The following PTPRD variants were observed in gnomAD, a reference collection of about 807,000 sequenced individuals.
PTPRD encodes the protein protein tyrosine phosphatase receptor type D.
In PTPRD, 34 loss-of-function variants were observed where a neutral mutation model predicts 214.5. The observed-to-expected ratio is 0.16, with a 90% CI of 0.12 to 0.21. PTPRD has a LOEUF of 0.21. Among genes scored for constraint, PTPRD ranks in the 10% least tolerant of loss-of-function variants. The pLI is 1.00. For missense variants in PTPRD, 2,545 were observed against 2,398.7 expected (o/e 1.06, Z -1.27); for synonymous variants, 1,128 against 845.7 (o/e 1.33, Z -5.79).
intron 11 of PTPRD, among the ~76,000 whole-genome samples, chr9:8,824,744 G>GT (rs201843832): frequency 1.1e-4 from 17 of 151,950 alleles, no homozygotes; most frequent in East Asian, 3.9e-4. Flanking sequence ...ATTCCTTTTG[G>GT]TTTTTTTTGA....
intron 3 of PTPRD, among the ~76,000 whole-genome samples, chr9:10,100,576 A>G (rs2098541951): frequency 1.3e-5 from 2 of 151,738 alleles, no homozygotes; most frequent in African/African-American, 4.8e-5. Flanking sequence ...TGCAACAATG[A>G]GAATTTCATA....
At chr9:10,308,301 A>G (rs564119707) in intron 3 of PTPRD, among the ~76,000 whole-genome samples, 1 of 152,204 alleles carries the variant, frequency 6.6e-6, no homozygotes, top group African/African-American at 2.4e-5. Flanking sequence ...TGTTCCCAGC[A>G]TCATTTATTA....
intron 43 of PTPRD, among the ~76,000 whole-genome samples, chr9:8,332,179 GCA>G (rs1842116724): frequency 6.6e-6 from 1 of 152,122 alleles, no homozygotes; most frequent in Non-Finnish European, 1.5e-5. Flanking sequence ...ATTGAAACAA[GCA>G]CCTAGGCATG....
intron 11 of PTPRD, among the ~76,000 whole-genome samples, chr9:8,981,625 A>G (rs764400043): frequency 9.2e-5 from 14 of 152,062 alleles, no homozygotes; most frequent in Non-Finnish European, 1.6e-4. Context: ...TAGCTAATCT[A>G]GAAAAAAAAT....
chr9:10,018,182 G>A (rs2096762983), intron 4 of PTPRD, among the ~76,000 whole-genome samples: 1 of 120,510 alleles, frequency 8.3e-6, no homozygotes, highest in Admixed American at 8.2e-5. Flanking sequence ...AGGGAGGGAG[G>A]GGAAGAGGAG....
At chr9:9,647,415 G>A (rs551126385) in intron 7 of PTPRD, among the ~76,000 whole-genome samples, 2 of 152,054 alleles carry the variant, frequency 1.3e-5, no homozygotes, top group African/African-American at 4.8e-5. Flanking sequence ...TTTTGGTTAC[G>A]GGTGAATAAT....
rs534893102 is a variant in PTPRD at position 10,482,118 on chromosome 9, T to C, written c.-600+130280A>G. Among the ~76,000 whole-genome samples the C allele has an allele frequency of 1.4e-4, 22 of 152,238 alleles. No individual in the cohort carries two copies. In the East Asian group the frequency reaches 4.1e-3, roughly 28 times the overall value. On this transcript the variant is annotated intron_variant, in intron 2 of 45. Transcript: ENST00000381196. ...CGGGCGCGGTGGCTCACGCCTGTAA[T>C]CCCAGCATTTTGGGAGGCCCAGGCG...
intron 8 of PTPRD, among the ~76,000 whole-genome samples, chr9:9,480,191 T>A (rs149073108): frequency 5.9e-5 from 9 of 152,312 alleles, no homozygotes; most frequent in African/African-American, 1.7e-4. Flanking sequence ...ATGGATAAAA[T>A]GTGAATAATT....
chr9:8,766,140 C>G (rs1288300243), intron 11 of PTPRD, among the ~76,000 whole-genome samples: 1 of 150,902 alleles, frequency 6.6e-6, no homozygotes, highest in East Asian at 1.9e-4. Context: ...ACAGCAGGTC[C>G]TCAGGTAACA....
intron 43 of PTPRD, among the ~76,000 whole-genome samples, chr9:8,335,382 T>A (rs1587951737): frequency 6.6e-6 from 1 of 151,958 alleles, no homozygotes; most frequent in South Asian, 2.1e-4. Context: ...ACAGAACCAA[T>A]GACAAAAACC....
chr9:9,743,363 A>C (rs2098423835), intron 6 of PTPRD, among the ~76,000 whole-genome samples: 1 of 152,122 alleles, frequency 6.6e-6, no homozygotes, highest in Non-Finnish European at 1.5e-5. Flanking sequence ...AATTTGCCTA[A>C]CCTTCAGTTT....
At position 8,757,326 on chromosome 9, in the gene PTPRD, T is replaced by C. The variant is rs564728501; in HGVS notation, c.-103-23380A>G. ...ACGATAATATGTGTTAAGACCCAAATACATGGTTTGAATGAGAATATGTAG... is the reference window on the plus strand; with the variant it reads ...ACGATAATATGTGTTAAGACCCAAACACATGGTTTGAATGAGAATATGTAG... On this transcript the variant is annotated intron_variant, in intron 11 of 45. Coordinates refer to ENST00000381196, the MANE Select transcript of PTPRD (RefSeq NM_002839.4). Among the ~76,000 whole-genome samples, 6 of 152,244 alleles carry C rather than the reference T, an allele frequency of 3.9e-5. No individual in the cohort carries two copies. The East Asian group carries it at 1.2e-3, about 29-fold the overall frequency.
At chr9:8,350,831 T>A (rs1471245365) in intron 39 of PTPRD, among the ~76,000 whole-genome samples, 2 of 152,146 alleles carry the variant, frequency 1.3e-5, no homozygotes, top group Non-Finnish European at 2.9e-5. Context: ...GTCAAATTTG[T>A]CCATGCTATT....
At chr9:10,299,486 T>G (rs189447094) in intron 3 of PTPRD, among the ~76,000 whole-genome samples, 2 of 152,142 alleles carry the variant, frequency 1.3e-5, no homozygotes, top group African/African-American at 4.8e-5. Flanking sequence ...AATGGAGACC[T>G]TGAATGTGCA....
intron 5 of PTPRD, among the ~76,000 whole-genome samples, chr9:9,770,155 C>T (rs971189372): frequency 1.3e-5 from 2 of 152,160 alleles, no homozygotes; most frequent in Non-Finnish European, 2.9e-5. Flanking sequence ...AATGGTACTT[C>T]TAGTTCTAGA....
At chr9:9,436,391 C>T (rs2085265102) in intron 8 of PTPRD, among the ~76,000 whole-genome samples, 1 of 152,032 alleles carries the variant, frequency 6.6e-6, no homozygotes, top group Non-Finnish European at 1.5e-5. Flanking sequence ...GGGGAAAAGA[C>T]TAAGACACTG....
At chr9:10,261,305 G>C (rs1404968556) in intron 3 of PTPRD, among the ~76,000 whole-genome samples, 1 of 151,644 alleles carries the variant, frequency 6.6e-6, no homozygotes, top group Non-Finnish European at 1.5e-5. Flanking sequence ...AAAAAGAAAT[G>C]CTCTATGTCA....
intron 3 of PTPRD, among the ~76,000 whole-genome samples, chr9:10,334,774 G>A (rs1213133107): frequency 6.6e-6 from 1 of 151,506 alleles, no homozygotes; most frequent in East Asian, 2.0e-4. Flanking sequence ...ACAGTGATAA[G>A]TCAATCACTG....
chr9:9,837,610 G>T (rs1167150116), intron 5 of PTPRD, among the ~76,000 whole-genome samples: 2 of 152,080 alleles, frequency 1.3e-5, no homozygotes, highest in African/African-American at 2.4e-5. Context: ...CTAGTTTCTT[G>T]GGGAAATTAA....
Sources: allele counts gnomAD v4.1 joint callset (sites outside exome capture counted in the v4.1 genomes callset), GRCh38; gene constraint gnomAD v4.1.1; transcripts MANE v1.5; gene names NCBI Gene and HGNC (gene_info 2026-07-23, HGNC 2026-07-21).